Variants in MAMLD1 observed in about 807,000 individuals in gnomAD.
MAMLD1 encodes mastermind like domain containing 1.
MAMLD1 carries 14 observed loss-of-function variants against 45.0 expected under a neutral mutation model. The observed-to-expected ratio is 0.31, with a 90% confidence interval of 0.21 to 0.49. The LOEUF (loss-of-function observed/expected upper bound fraction) is 0.49. Ranked by LOEUF, MAMLD1 falls within the 20% of genes least tolerant of loss-of-function variation. The pLI is 0.99. For missense variants in MAMLD1, 543 were observed against 603.6 expected (o/e 0.90, Z 1.05); for synonymous variants, 254 against 247.8 (o/e 1.02, Z -0.24).
intron 1 of MAMLD1, among the ~76,000 whole-genome samples, chrX:150,409,209 C>T (rs12856024): frequency 8.9e-6 from 1 of 111,881 alleles, no homozygotes; most frequent in African/African-American, 3.3e-5. Flanking sequence ...AATGTGGTTA[C>T]AGTCAGTGTG....
At chrX:150,461,395 C>G (rs1557405613) in intron 2 of MAMLD1, among the ~76,000 whole-genome samples, 1 of 112,745 alleles carries the variant, frequency 8.9e-6, no homozygotes, top group Non-Finnish European at 1.9e-5. Flanking sequence ...GGGGTTACTG[C>G]TTGAGAGTGT....
chrX:150,471,551 G>T, intron 4 of MAMLD1, 61 bp downstream of exon 4: 1 of 1,208,796 alleles, frequency 8.3e-7, no homozygotes, highest in East Asian at 3.0e-5. Flanking sequence ...TGTGTTTCAT[G>T]TTGCCAATAT....
chrX:150,497,634 C>T (rs1177323129), intron 5 of MAMLD1, among the ~76,000 whole-genome samples: 7 of 110,472 alleles, frequency 6.3e-5, no homozygotes, highest in African/African-American at 6.6e-5. Context: ...CCATACCACA[C>T]GTATCATAAC....
chrX:150,397,362 T>C (rs2033459437), intron 1 of MAMLD1, among the ~76,000 whole-genome samples: 1 of 112,330 alleles, frequency 8.9e-6, no homozygotes, highest in Non-Finnish European at 1.9e-5. Context: ...AAGAGCAAGG[T>C]GTGTCTTTCC....
chrX:150,405,048 A>G (rs1450643528), intron 1 of MAMLD1, among the ~76,000 whole-genome samples: 4 of 112,529 alleles, frequency 3.6e-5, no homozygotes, highest in African/African-American at 1.3e-4. Flanking sequence ...ACCCAGCAGT[A>G]GAATGCTTGG....
At chrX:150,385,359 T>C (rs1363381947) in intron 1 of MAMLD1, among the ~76,000 whole-genome samples, 4 of 109,138 alleles carry the variant, frequency 3.7e-5, no homozygotes, top group Non-Finnish European at 5.7e-5. Context: ...ACCAACCCCC[T>C]GCACAGGCAC....
intron 5 of MAMLD1, among the ~76,000 whole-genome samples, chrX:150,487,915 G>A (rs1245301042): frequency 3.5e-5 from 4 of 112,996 alleles, no homozygotes; most frequent in African/African-American, 9.6e-5. Flanking sequence ...CAGTAAATGT[G>A]TGTTGCACAA....
chrX:150,501,086 A>G (rs1345796415), intron 5 of MAMLD1, among the ~76,000 whole-genome samples: 1 of 111,542 alleles, frequency 9.0e-6, no homozygotes, highest in Non-Finnish European at 1.9e-5. Context: ...TGCCTGATGG[A>G]CTACTGAGGC....
At chrX:150,383,250 A>G (rs1376988911) in intron 1 of MAMLD1, among the ~76,000 whole-genome samples, 2 of 110,978 alleles carry the variant, frequency 1.8e-5, no homozygotes, top group African/African-American at 6.5e-5. Context: ...ATTTTCATAA[A>G]GAAAATATAG....
In MAMLD1 at chrX:150,513,162, A is replaced by C; in HGVS notation, c.*1203A>C. On this transcript the variant is annotated 3_prime_UTR_variant, in exon 8 of 8. Transcript: ENST00000370401. Reference sequence around the variant, plus strand: ...ATACCCGCAGTTGTCTCCCGTTACAATTTGAGTGGTGTTGTCAGCCCATGC... The same window carrying C: ...ATACCCGCAGTTGTCTCCCGTTACACTTTGAGTGGTGTTGTCAGCCCATGC... 1 of 794,332 alleles carries C rather than the reference A, an allele frequency of 1.3e-6. No individual in the cohort carries two copies. The highest frequency in any genetic ancestry group is 1.8e-6 in the Non-Finnish European group (1 of 569,083). The allele number at this position is 794,332 out of a possible 1,213,427, so 65.5% of individuals were successfully genotyped here.
At chrX:150,423,604 AAGAG>A (rs1204685774) in intron 1 of MAMLD1, among the ~76,000 whole-genome samples, 1 of 92,628 alleles carries the variant, frequency 1.1e-5, no homozygotes, top group Non-Finnish European at 2.3e-5. Context: ...TGCTTTCCAG[AAGAG>A]AGAGAAAGAG....
intron 2 of MAMLD1, among the ~76,000 whole-genome samples, chrX:150,460,444 A>G (rs1294932810): frequency 1.8e-5 from 2 of 112,370 alleles, no homozygotes; most frequent in African/African-American, 6.5e-5. Flanking sequence ...AGTCATATCA[A>G]TTCTCTTGGG....
At chrX:150,461,190 G>A (rs998759557) in intron 2 of MAMLD1, among the ~76,000 whole-genome samples, 4 of 113,177 alleles carry the variant, frequency 3.5e-5, no homozygotes, top group East Asian at 2.8e-4. Flanking sequence ...CTCCCTGGGT[G>A]GCCCTGGAGG....
At chrX:150,479,652 G>A (rs890835125) in intron 5 of MAMLD1, among the ~76,000 whole-genome samples, 2 of 112,104 alleles carry the variant, frequency 1.8e-5, no homozygotes, top group Admixed American at 9.5e-5. Flanking sequence ...AAGAACGTAA[G>A]AGGACAGAAA....
intron 1 of MAMLD1, among the ~76,000 whole-genome samples, chrX:150,417,798 T>C (rs2034317296): frequency 9.1e-6 from 1 of 110,172 alleles, no homozygotes; most frequent in African/African-American, 3.3e-5. Context: ...TTTGGCTGCA[T>C]AAATGTCTTC....
At chrX:150,483,621 T>C (rs1206450662) in intron 5 of MAMLD1, among the ~76,000 whole-genome samples, 2 of 112,582 alleles carry the variant, frequency 1.8e-5, no homozygotes, top group Admixed American at 9.4e-5. Flanking sequence ...CCACTGACCA[T>C]GATGCATTTC....
chrX:150,376,832 G>A (rs2032339237), intron 1 of MAMLD1, among the ~76,000 whole-genome samples: 1 of 107,269 alleles, frequency 9.3e-6, no homozygotes, highest in Admixed American at 1.0e-4. Context: ...TCAAACAGAT[G>A]GGCTGTTTTA....
At chrX:150,401,746 G>A (rs2033776554) in intron 1 of MAMLD1, among the ~76,000 whole-genome samples, 1 of 111,530 alleles carries the variant, frequency 9.0e-6, no homozygotes, top group South Asian at 3.8e-4. Context: ...GAACAGAACA[G>A]AGCCCTCAGA....
Position 150,503,486 on chromosome X carries a change from C to A in MAMLD1, c.2253C>A (p.Pro751=), listed in dbSNP as rs149281734. ...ATCCGAAGGCCTGGAGGCAGGTGCC[C>A]GCTCCACTACTGCCTAGCTGCGACG... ...SWDPKAWRQV[P]APLLPSCDAT... The change falls in exon 6 of 8, where the codon CCC becomes CCA. Residue 751 remains proline, a synonymous_variant. Coordinates refer to ENST00000370401, the MANE Select transcript of MAMLD1 (RefSeq NM_005491.5). 3 of 1,178,260 alleles carry A rather than the reference C, an allele frequency of 2.5e-6. No homozygotes were observed. The highest frequency in any genetic ancestry group is 3.5e-6 in the Non-Finnish European group (3 of 867,786).
Sources: allele counts gnomAD v4.1 joint callset (sites outside exome capture counted in the v4.1 genomes callset), GRCh38; gene constraint gnomAD v4.1.1; transcripts MANE v1.5; gene names NCBI Gene and HGNC (gene_info 2026-07-23, HGNC 2026-07-21).